Variants in SPOCD1 observed in about 807,000 individuals in gnomAD.
The protein encoded by SPOCD1 is SPOC domain containing 1.
Under a neutral mutation model 92.2 loss-of-function variants are expected in SPOCD1, and 64 were observed. The observed-to-expected ratio is 0.69, with a 90% CI of 0.57 to 0.86. The LOEUF (loss-of-function observed/expected upper bound fraction) is 0.86, where lower values mean the gene tolerates loss of function less well. SPOCD1 is among the 40% of genes least tolerant of loss of function. SPOCD1 has a pLI of 0.00. For synonymous variants in SPOCD1, 578 were observed against 619.3 expected, an observed-to-expected ratio of 0.93 and a Z score of 0.99; for missense variants, 1,360 against 1,543.1, an observed-to-expected ratio of 0.88 and a Z score of 1.99.
chr1:31,799,533 G>C (rs1482075771), intron 6 of SPOCD1, 48 bp from the exon 7 acceptor site: 1 of 1,530,930 alleles, frequency 6.5e-7, no homozygotes, highest in East Asian at 2.3e-5. Flanking sequence ...CAGGGGAAAG[G>C]GGAGGGGGCT....
At chr1:31,809,706 G>A (rs1386828854) in intron 2 of SPOCD1, among the ~76,000 whole-genome samples, 1 of 152,170 alleles carries the variant, frequency 6.6e-6, no homozygotes, top group Admixed American at 6.6e-5. Context: ...GATAATACCA[G>A]TATCTACCTC....
In SPOCD1 at chr1:31,794,251, CAG is replaced by C; in HGVS notation, c.2272-18_2272-17del. On this transcript the variant is annotated splice_polypyrimidine_tract_variant and intron_variant, in intron 10 of 15. Transcript: ENST00000360482. ...TCTGCGGTCCCTGGGAGGCAGAAGA[CAG>C]AGGGGCAGGCTGAAAACGTGGCTGG... 1 of 1,596,936 alleles carries C rather than the reference CAG, an allele frequency of 6.3e-7. No homozygotes were observed. The highest frequency in any genetic ancestry group is 8.6e-7 in the Non-Finnish European group (1 of 1,166,926).
chr1:31,800,534 A>C lies in SPOCD1; in HGVS notation c.1509T>G (p.Val503=). ...AGCTGACCTCCATCAAGTCCTCTAG[A>C]ACCTCCAGCTTTGGTGGCAGCTGCC... ...AGGQLPPKLE[V]LEDLMEVSSP... is the part of the protein sequence containing the mutation. Residue 503 remains valine (V), a synonymous_variant, in exon 4 of 16, where the codon GTT becomes GTG. Coordinates refer to ENST00000360482, the MANE Select transcript of SPOCD1 (RefSeq NM_144569.7). 9 of 1,612,460 alleles carry C rather than the reference A, an allele frequency of 5.6e-6. No individual in the cohort carries two copies. Among genetic ancestry groups the C allele is most frequent in the Non-Finnish European group, 7.6e-6 (9 of 1,179,478 alleles).
chr1:31,813,977 GTTCCTCT>G lies in SPOCD1; in HGVS notation c.1350_1356del (p.Glu451ProfsTer12). 1 of 1,563,540 alleles carries G rather than the reference GTTCCTCT, an allele frequency of 6.4e-7. No individual in the cohort carries two copies. ...AGTCTGGGGCAGCCTCCTGGGCTGG[GTTCCTCT>G]GGCCTGTCCTGGTGGGAGTTGTCTG... On this transcript the variant is annotated frameshift_variant, in exon 2 of 16. Coordinates refer to ENST00000360482, the MANE Select transcript of SPOCD1 (RefSeq NM_144569.7). LOFTEE classifies it high-confidence loss of function.
At chr1:31,792,644 G>A (rs1183831546) in intron 14 of SPOCD1, 34 bp downstream of exon 14, 1 of 1,525,378 alleles carries the variant, frequency 6.6e-7, no homozygotes, top group South Asian at 1.2e-5. Flanking sequence ...TAAGGTACTA[G>A]GAAAAGAGGG....
chr1:31,805,850 A>G (rs539719051), intron 2 of SPOCD1, among the ~76,000 whole-genome samples: 1 of 152,246 alleles, frequency 6.6e-6, no homozygotes, highest in Admixed American at 6.5e-5. Flanking sequence ...AAGAAAATAC[A>G]GTTATAAAGT....
chr1:31,815,292 G>A lies in SPOCD1; in HGVS notation c.42C>T (p.Asp14=), dbSNP rs757463051. 51 of 1,581,662 alleles carry A rather than the reference G, an allele frequency of 3.2e-5. No individual in the cohort carries two copies. The Admixed American group carries it at 8.3e-4, about 26-fold the overall frequency. The change falls in exon 2 of 16, where the codon GAC becomes GAT. Residue 14 remains aspartate (D), a synonymous_variant. Coordinates refer to ENST00000360482, the MANE Select transcript of SPOCD1 (RefSeq NM_144569.7). The part of the protein sequence containing the change: ...AGDVEGPSTG[D]PVLSPQHNCE... ...AGTTGTGTTGGGGACTGAGCACAGG[G>A]TCTCCTGTGCTGGGGCCTTCTACGT...
Position 31,814,147 on chromosome 1 carries a change from C to G in SPOCD1, c.1187G>C (p.Gly396Ala). 1 of 1,588,812 alleles carries G rather than the reference C, an allele frequency of 6.3e-7. No individual in the cohort carries two copies. Among genetic ancestry groups the G allele is most frequent in the Non-Finnish European group, 8.6e-7 (1 of 1,163,558 alleles). ...TCASSREPLG[G>A]LSSSLDTEAS... ...TTCAGTATCCAGGGAGGAGCTGAGG[C>G]CGCCCAAGGGCTCCCGGGAGCTGGC... The change falls in exon 2 of 16, where the codon GGC (glycine) becomes GCC (alanine). Residue 396 changes from glycine to alanine, a missense_variant. This residue lies in a region of SPOCD1 where 606 missense variants were observed against 601.5 expected (regional missense o/e 1.01). Coordinates refer to ENST00000360482, the MANE Select transcript of SPOCD1 (RefSeq NM_144569.7). This position sits in a 1 kb window ranked among gnomAD's most constrained non-coding sequence, Gnocchi z 4.2.
intron 14 of SPOCD1, 79 bp from the exon 15 acceptor site, chr1:31,792,480 C>G (rs774597752): frequency 6.8e-7 from 1 of 1,460,416 alleles, no homozygotes. Context: ...CCTGAAACCC[C>G]TGAGAACCCC....
In SPOCD1 at chr1:31,798,469, C is replaced by A; in HGVS notation, c.2001G>T (p.Leu667=). Residue 667 remains leucine, a synonymous_variant, in exon 8 of 16, where the codon CTG becomes CTT. Coordinates refer to ENST00000360482, the MANE Select transcript of SPOCD1 (RefSeq NM_144569.7). The surrounding 1 kb of genome is among the most constrained non-coding windows in gnomAD (Gnocchi z 4.1). ...GGTTCCTGGGGTCCCGCAGGTTGAACAGCAGGCTGCGATACTTGGTCTTGT... is the reference window on the plus strand; with the variant it reads ...GGTTCCTGGGGTCCCGCAGGTTGAAAAGCAGGCTGCGATACTTGGTCTTGT... ...GRYKTKYRSL[L]FNLRDPRNLD... 1 of 1,612,840 alleles carries A rather than the reference C, an allele frequency of 6.2e-7. No individual in the cohort carries two copies. The highest frequency in any genetic ancestry group is 8.5e-7 in the Non-Finnish European group (1 of 1,179,318).
chr1:31,815,143 G>A lies in SPOCD1; in HGVS notation c.191C>T (p.Ala64Val). The A allele has an allele frequency of 6.2e-7, 1 of 1,608,446 alleles. No individual in the cohort carries two copies. Among genetic ancestry groups the A allele is most frequent in the Non-Finnish European group, 8.5e-7 (1 of 1,175,838 alleles). Residue 64 changes from alanine (A) to valine (V), a missense_variant, in exon 2 of 16, where the codon GCC becomes GTC. Physicochemically the swap from Ala to Val is moderately conservative, Grantham distance 64 (BLOSUM62 0). Transcript: ENST00000360482. ...GSRRKIPRKEALRGGSSRAAG... is the reference protein window; with the variant it reads ...GSRRKIPRKEVLRGGSSRAAG... ...AGCCCGGGAGCTGCCACCTCGAAGG[G>A]CCTCCTTCCTGGGGATCTTCCTTCT...
rs373495211 is a variant in SPOCD1, at chr1:31,790,803, G to A, written c.3451C>T (p.Arg1151Trp). The change falls in exon 16 of 16, where the codon CGG becomes TGG. Residue 1151 changes from arginine (R) to tryptophan (W), a missense_variant. This residue lies in a region of SPOCD1 where 614 missense variants were observed against 757.8 expected (regional missense o/e 0.81). Transcript: ENST00000360482. ...RDSCPHQALL[R>W]HLESLATMSH... ...ATGGTCGCCAGGGATTCGAGGTGCCGGAGCAGGGCTTGGTGGGGACAGGAG... is the reference window on the plus strand; with the variant it reads ...ATGGTCGCCAGGGATTCGAGGTGCCAGAGCAGGGCTTGGTGGGGACAGGAG... 16 of 1,543,992 alleles carry A rather than the reference G, an allele frequency of 1.0e-5. No individual in the cohort carries two copies. The African/African-American group carries it at 1.2e-4, about 12-fold the overall frequency.
In SPOCD1 at chr1:31,794,238, G is replaced by A. The variant is rs771959180; in HGVS notation, c.2272-3C>T. On this transcript the variant is annotated splice_region_variant and splice_polypyrimidine_tract_variant and intron_variant, in intron 10 of 15. Coordinates refer to ENST00000360482, the MANE Select transcript of SPOCD1 (RefSeq NM_144569.7). ...CAGTCCATGAACATCTGCGGTCCCTGGGAGGCAGAAGACAGAGGGGCAGGC... is the reference window on the plus strand; with the variant it reads ...CAGTCCATGAACATCTGCGGTCCCTAGGAGGCAGAAGACAGAGGGGCAGGC... 1 of 1,608,504 alleles carries A rather than the reference G, an allele frequency of 6.2e-7. No homozygotes were observed.
intron 2 of SPOCD1, among the ~76,000 whole-genome samples, chr1:31,806,796 G>A (rs745455285): frequency 3.7e-4 from 56 of 152,036 alleles, no homozygotes; most frequent in Non-Finnish European, 5.6e-4. Flanking sequence ...CTCATTATCC[G>A]CCCGCCTAGG....
rs1265611976 is a variant in SPOCD1 at position 31,798,264 on chromosome 1, G to A, written c.2088C>T (p.Ser696=). 6.2e-7 allele frequency: 1 copy of A among 1,614,040 alleles called. No individual in the cohort carries two copies. The highest frequency in any genetic ancestry group is 1.7e-5 in the Admixed American group (1 of 60,026). Residue 696 remains serine, a synonymous_variant, in exon 9 of 16, where the codon AGC becomes AGT. Transcript: ENST00000360482. This position sits in a 1 kb window ranked among gnomAD's most constrained non-coding sequence, Gnocchi z 4.1. ...DVTPYDLVRM[S]SMQLAPQELA... is the part of the protein sequence containing the mutation. ...GCTCCTGGGGGGCCAGCTGCATCGAGCTCATCCGCACCAGGTCGTAGGGGG... is the reference window on the plus strand; with the variant it reads ...GCTCCTGGGGGGCCAGCTGCATCGAACTCATCCGCACCAGGTCGTAGGGGG...
chr1:31,807,820 G>A (rs527368536), intron 2 of SPOCD1, among the ~76,000 whole-genome samples: 15 of 152,056 alleles, frequency 9.9e-5, no homozygotes, highest in Non-Finnish European at 1.5e-4. Context: ...TTACAAGTGC[G>A]CAGTCCTTAA....
chr1:31,795,968 T>G (rs1449842249), intron 10 of SPOCD1: 1 of 158,012 alleles, frequency 6.3e-6, no homozygotes, highest in Non-Finnish European at 1.4e-5. Flanking sequence ...AGATGATGGC[T>G]TCATGGATTC....
chr1:31,801,868 T>TA (rs1648490775), intron 2 of SPOCD1, among the ~76,000 whole-genome samples, 163 bp from the exon 3 acceptor site: 1 of 152,070 alleles, frequency 6.6e-6, no homozygotes, highest in Non-Finnish European at 1.5e-5. Flanking sequence ...AAATGGTTAA[T>TA]AAAAAATATG....
At chr1:31,799,325 C>T (rs1648263624) in intron 7 of SPOCD1, 76 bp downstream of exon 7, 3 of 1,323,454 alleles carry the variant, frequency 2.3e-6, no homozygotes. Flanking sequence ...GCCCTTAGAA[C>T]ATGGCAGGGC....
Sources: allele counts gnomAD v4.1 joint callset (sites outside exome capture counted in the v4.1 genomes callset), GRCh38; gene constraint gnomAD v4.1.1; regional missense constraint gnomAD v4.1.1; non-coding constraint Gnocchi (gnomAD v3.1); transcripts MANE v1.5; gene names NCBI Gene and HGNC (gene_info 2026-07-23, HGNC 2026-07-21).